The following ZNF385D variants were observed in gnomAD, a reference collection of about 807,000 sequenced individuals.
ZNF385D encodes zinc finger protein 385D.
ZNF385D carries 15 observed loss-of-function variants against 35.8 expected under a neutral mutation model. The ratio of observed to expected loss-of-function variants is 0.42; its 90% CI spans 0.28 to 0.64. The LOEUF (loss-of-function observed/expected upper bound fraction) is 0.64. Among genes scored for constraint, ZNF385D ranks in the 30% least tolerant of loss-of-function variants. The pLI, the probability that ZNF385D is intolerant of heterozygous loss-of-function variation, is 0.23. For synonymous variants in ZNF385D, 212 were observed against 186.8 expected (o/e 1.13, Z -1.10); for missense variants, 474 against 494.6 (o/e 0.96, Z 0.39).
chr3:21,993,491 C>A (rs1294651884), intron 3 of ZNF385D, among the ~76,000 whole-genome samples: 2 of 152,134 alleles, frequency 1.3e-5, no homozygotes, highest in Non-Finnish European at 2.9e-5. Context: ...GCACATTTAA[C>A]TATCACTTCC....
chr3:21,543,999 G>T lies in ZNF385D; in HGVS notation c.276+20575C>A, dbSNP rs550740656. On this transcript the variant is annotated intron_variant, in intron 3 of 7. Transcript: ENST00000281523. ...CCCCACCTAGCGACTGGATTTTTTTGTGTGTGTGTAGTGTGTGATGTCCGT... is the reference window on the plus strand; with the variant it reads ...CCCCACCTAGCGACTGGATTTTTTTTTGTGTGTGTAGTGTGTGATGTCCGT... Among the ~76,000 whole-genome samples, 400 of 152,160 alleles carry T rather than the reference G, an allele frequency of 2.6e-3. 3 individuals carry two copies. The highest frequency in any genetic ancestry group is 3.9e-3 in the African/African-American group (163 of 41,500).
intron 3 of ZNF385D, among the ~76,000 whole-genome samples, chr3:22,029,491 A>G (rs2125474033): frequency 6.6e-6 from 1 of 152,358 alleles, no homozygotes; most frequent in South Asian, 2.1e-4. Flanking sequence ...AGGAAAACAC[A>G]GAATAAATAG....
intron 3 of ZNF385D, among the ~76,000 whole-genome samples, chr3:22,059,420 C>G (rs1559337821): frequency 6.6e-6 from 1 of 152,264 alleles, no homozygotes; most frequent in Non-Finnish European, 1.5e-5. Flanking sequence ...TTCTTAACAT[C>G]AACACCAACC....
chr3:21,564,513 C>T, intron 3 of ZNF385D, 61 bp downstream of exon 3: 1 of 1,059,382 alleles, frequency 9.4e-7, no homozygotes, highest in South Asian at 2.0e-5. Context: ...TTTTCTCCTG[C>T]AAGATTAGAA....
intron 3 of ZNF385D, among the ~76,000 whole-genome samples, chr3:21,767,789 A>G (rs1456525029): frequency 6.6e-6 from 1 of 152,124 alleles, no homozygotes; most frequent in Non-Finnish European, 1.5e-5. Context: ...TTTAGATAAA[A>G]GACAAATATG....
intron 3 of ZNF385D, among the ~76,000 whole-genome samples, chr3:21,938,128 G>T (rs1049841809): frequency 6.6e-6 from 1 of 152,126 alleles, no homozygotes; most frequent in African/African-American, 2.4e-5. Flanking sequence ...TTTCATTTTT[G>T]ATGTAATTTT....
chr3:22,287,199 G>A (rs1702069970), intron 2 of ZNF385D, among the ~76,000 whole-genome samples: 1 of 151,720 alleles, frequency 6.6e-6, no homozygotes, highest in South Asian at 2.1e-4. Flanking sequence ...AGCTACCTCT[G>A]CTCTCTTTTC....
intron 1 of ZNF385D, among the ~76,000 whole-genome samples, chr3:21,723,488 G>A (rs1452383267): frequency 6.6e-6 from 1 of 152,136 alleles, no homozygotes; most frequent in African/African-American, 2.4e-5. Flanking sequence ...AACACAGCAT[G>A]AGAACTTCGT....
chr3:22,174,783 T>C (rs574258773), intron 2 of ZNF385D, among the ~76,000 whole-genome samples: 11 of 152,252 alleles, frequency 7.2e-5, no homozygotes, highest in African/African-American at 1.7e-4. Flanking sequence ...GCTATTTCAT[T>C]ACAAAGTCAA....
chr3:21,954,747 C>T (rs1702212051), intron 3 of ZNF385D, among the ~76,000 whole-genome samples: 1 of 152,106 alleles, frequency 6.6e-6, no homozygotes. Flanking sequence ...CTGTTGGACT[C>T]AAAACAATTT....
At chr3:22,234,464 A>G (rs532964453) in intron 2 of ZNF385D, among the ~76,000 whole-genome samples, 17 of 152,082 alleles carry the variant, frequency 1.1e-4, no homozygotes, top group Admixed American at 3.9e-4. Context: ...AAGAGTCAGC[A>G]TTCCCTATTA....
intron 2 of ZNF385D, among the ~76,000 whole-genome samples, chr3:22,348,660 G>C (rs910834676): frequency 7.2e-6 from 1 of 137,932 alleles, no homozygotes; most frequent in Non-Finnish European, 1.5e-5. Flanking sequence ...AGAGCAAAAC[G>C]CTGTAGAAAG....
intron 3 of ZNF385D, among the ~76,000 whole-genome samples, chr3:22,050,983 G>T: frequency 1.8e-5 from 1 of 55,362 alleles, no homozygotes; most frequent in South Asian, 1.1e-3. Flanking sequence ...TGTTGATTTG[G>T]GGTGGAGAGT....
At chr3:21,473,043 GT>G (rs1704005881) in intron 4 of ZNF385D, among the ~76,000 whole-genome samples, 1 of 151,958 alleles carries the variant, frequency 6.6e-6, no homozygotes, top group African/African-American at 2.4e-5. Context: ...CTAAACTGAC[GT>G]AATCACCTTC....
At chr3:21,949,399 G>T (rs1701946025) in intron 3 of ZNF385D, among the ~76,000 whole-genome samples, 1 of 151,876 alleles carries the variant, frequency 6.6e-6, no homozygotes, top group Non-Finnish European at 1.5e-5. Context: ...ATCGGTTGGG[G>T]TGGCTATCTT....
At chr3:22,293,376 TAATA>T (rs1436708311) in intron 2 of ZNF385D, among the ~76,000 whole-genome samples, 1 of 152,124 alleles carries the variant, frequency 6.6e-6, no homozygotes, top group African/African-American at 2.4e-5. Flanking sequence ...CATAAGACTT[TAATA>T]AATTATACAT....
At chr3:21,472,163 C>T (rs935534179) in intron 4 of ZNF385D, among the ~76,000 whole-genome samples, 2 of 152,108 alleles carry the variant, frequency 1.3e-5, no homozygotes, top group Non-Finnish European at 2.9e-5. Context: ...TGCCAAAAGT[C>T]AGAAGATGAC....
At position 21,719,314 on chromosome 3, in the gene ZNF385D, TA is replaced by T. The variant is rs112017420; in HGVS notation, c.22+31580del. Among the ~76,000 whole-genome samples the T allele has an allele frequency of 4.3e-4, 65 of 152,286 alleles. 1 individual carries two copies. The highest frequency in any genetic ancestry group is 1.2e-4 in the Non-Finnish European group (8 of 68,026). ...ATACTGGTAAGAAGTGTCATATTGT[TA>T]AAGTGCCCTGGTCCACATGAGGCAG... On this transcript the variant is annotated intron_variant, in intron 1 of 7. Coordinates refer to ENST00000281523, the MANE Select transcript of ZNF385D (RefSeq NM_024697.3).
chr3:22,046,627 T>G (rs1300290093), intron 3 of ZNF385D, among the ~76,000 whole-genome samples: 1 of 152,124 alleles, frequency 6.6e-6, no homozygotes, highest in Non-Finnish European at 1.5e-5. Flanking sequence ...CAATTGCAAA[T>G]ATATTGAGAT....
Sources: gnomAD v4.1 joint callset for allele counts (sites outside exome capture counted in the v4.1 genomes callset) on GRCh38, gnomAD v4.1.1 for gene constraint, MANE v1.5 for transcripts, NCBI Gene and HGNC (gene_info 2026-07-23, HGNC 2026-07-21) for gene names.